Variants in CACNA2D3 observed in about 807,000 individuals in gnomAD.
CACNA2D3 encodes the protein calcium voltage-gated channel auxiliary subunit alpha2delta 3, also known as voltage-dependent calcium channel subunit alpha-2/delta-3.
Under a neutral mutation model 160.6 loss-of-function variants are expected in CACNA2D3, and 60 were observed. That is an observed-to-expected ratio of 0.37 (90% CI 0.30 to 0.46). CACNA2D3 has a LOEUF of 0.46. Ranked by LOEUF, CACNA2D3 falls within the 20% of genes least tolerant of loss-of-function variation. The probability of loss-of-function intolerance (pLI) is 1.00; values close to 1 mark genes in which losing one functional copy is unlikely to be tolerated. For missense variants in CACNA2D3, 1,205 were observed against 1,365.0 expected (o/e 0.88, Z 1.85); for synonymous variants, 558 against 492.9 (o/e 1.13, Z -1.75).
At chr3:54,422,882 A>G (rs1699859873) in intron 4 of CACNA2D3, among the ~76,000 whole-genome samples, 1 of 152,226 alleles carries the variant, frequency 6.6e-6, no homozygotes, top group Non-Finnish European at 1.5e-5. Flanking sequence ...TTTAGCAAAA[A>G]TTGACTAACT....
At chr3:54,218,260 G>A (rs909581951) in intron 2 of CACNA2D3, among the ~76,000 whole-genome samples, 15 of 152,218 alleles carry the variant, frequency 9.9e-5, no homozygotes, top group African/African-American at 3.1e-4. Flanking sequence ...ACCTCTTGTG[G>A]ATAAGGGTGG....
intron 27 of CACNA2D3, among the ~76,000 whole-genome samples, chr3:54,919,693 T>G (rs2106927043): frequency 6.6e-6 from 1 of 152,380 alleles, no homozygotes; most frequent in Middle Eastern, 3.4e-3. Context: ...ATTTACTCTT[T>G]GACTTTGGGA....
At chr3:54,476,147 G>A (rs560266200) in intron 4 of CACNA2D3, among the ~76,000 whole-genome samples, 66 of 146,930 alleles carry the variant, frequency 4.5e-4, no homozygotes, top group African/African-American at 1.5e-3. Flanking sequence ...CTCCTGGTTC[G>A]TCCGTGTTAT....
Position 54,331,902 on chromosome 3 carries a change from G to A in CACNA2D3, c.321+11344G>A, listed in dbSNP as rs192446640. 1.9e-3 allele frequency among the ~76,000 whole-genome samples: 282 copies of A among 152,154 alleles called. 1 individual carries two copies. Among genetic ancestry groups the A allele is most frequent in the African/African-American group, 6.3e-3 (260 of 41,502 alleles). ...CCAGTCTGGTCCCATTCATAGAATCGGCAAATGAAAATCAGAGCTATCCCC... is the reference window on the plus strand; with the variant it reads ...CCAGTCTGGTCCCATTCATAGAATCAGCAAATGAAAATCAGAGCTATCCCC... On this transcript the variant is annotated intron_variant, in intron 3 of 37. Transcript: ENST00000474759.
intron 3 of CACNA2D3, among the ~76,000 whole-genome samples, chr3:54,348,673 T>C (rs1029030467): frequency 1.9e-4 from 29 of 152,250 alleles, no homozygotes; most frequent in African/African-American, 7.0e-4. Flanking sequence ...CATCTTTCTT[T>C]TCTGTCAAGA....
At chr3:54,573,657 A>G (rs1345234125) in intron 8 of CACNA2D3, among the ~76,000 whole-genome samples, 1 of 152,202 alleles carries the variant, frequency 6.6e-6, no homozygotes, top group Non-Finnish European at 1.5e-5. Flanking sequence ...TAAAATCTAG[A>G]AGTGAAATTT....
intron 35 of CACNA2D3, among the ~76,000 whole-genome samples, chr3:55,068,260 T>G (rs1559478974): frequency 6.6e-6 from 1 of 152,230 alleles, no homozygotes; most frequent in Non-Finnish European, 1.5e-5. Flanking sequence ...GAATGGATGT[T>G]GCCAGTGAGT....
At chr3:54,404,806 G>T (rs1024164130) in intron 4 of CACNA2D3, among the ~76,000 whole-genome samples, 1 of 151,874 alleles carries the variant, frequency 6.6e-6, no homozygotes, top group Non-Finnish European at 1.5e-5. Flanking sequence ...AAAATTTCTT[G>T]TATTTCTATA....
intron 5 of CACNA2D3, among the ~76,000 whole-genome samples, chr3:54,550,913 T>C (rs1398361115): frequency 6.6e-6 from 1 of 152,306 alleles, no homozygotes; most frequent in Middle Eastern, 3.4e-3. Flanking sequence ...TCCCACTGGC[T>C]TCTCTCCCTC....
At chr3:54,615,460 T>C (rs1043040613) in intron 9 of CACNA2D3, among the ~76,000 whole-genome samples, 1 of 152,166 alleles carries the variant, frequency 6.6e-6, no homozygotes, top group Non-Finnish European at 1.5e-5. Flanking sequence ...ATGCTCTTCA[T>C]GACCAACAAG....
intron 2 of CACNA2D3, among the ~76,000 whole-genome samples, chr3:54,270,415 G>C (rs1042040908): frequency 2.0e-5 from 3 of 152,152 alleles, no homozygotes; most frequent in South Asian, 2.1e-4. Flanking sequence ...TATACCCCAC[G>C]AGTTGGCTTC....
intron 17 of CACNA2D3, among the ~76,000 whole-genome samples, chr3:54,871,043 TACACACACACACACACACACACAC>T (rs58370850): frequency 0.27 from 38,750 of 143,000 alleles, 6,595 homozygotes; most frequent in East Asian, 0.56. Context: ...AGCTTTGGGA[TACACACACACACACACACACACAC>T]ACACACACAC....
rs527729620 is a variant in CACNA2D3 at position 54,163,481 on chromosome 3, C to T, written c.204+39887C>T. Among the ~76,000 whole-genome samples, 140 of 152,300 alleles carry T rather than the reference C, an allele frequency of 9.2e-4. 1 individual carries two copies. Among genetic ancestry groups the T allele is most frequent in the Non-Finnish European group, 1.2e-3 (84 of 68,032 alleles). On this transcript the variant is annotated intron_variant, in intron 2 of 37. Coordinates refer to ENST00000474759, the MANE Select transcript of CACNA2D3 (RefSeq NM_018398.3). ...AGAAGGAAAGGGCGATGGTGGAATC[C>T]ATAATGGCTTCTAAAGCTGCTGTTT...
At chr3:54,462,851 A>T (rs1300343891) in intron 4 of CACNA2D3, among the ~76,000 whole-genome samples, 2 of 149,488 alleles carry the variant, frequency 1.3e-5, no homozygotes, top group Admixed American at 1.3e-4. Flanking sequence ...TCATTAGTTG[A>T]TGCAGTTTCT....
At chr3:54,488,676 A>G (rs1181402793) in intron 4 of CACNA2D3, among the ~76,000 whole-genome samples, 1 of 152,068 alleles carries the variant, frequency 6.6e-6, no homozygotes, top group Non-Finnish European at 1.5e-5. Flanking sequence ...GCATTCCTTC[A>G]ACAGTCTCTA....
intron 35 of CACNA2D3, among the ~76,000 whole-genome samples, chr3:55,036,452 A>C (rs1214081343): frequency 6.6e-6 from 1 of 151,672 alleles, no homozygotes; most frequent in African/African-American, 2.4e-5. Flanking sequence ...ATTTTTATTT[A>C]TTTTATTTTT....
chr3:54,211,483 G>C (rs149497084), intron 2 of CACNA2D3, among the ~76,000 whole-genome samples: 562 of 152,274 alleles, frequency 3.7e-3, no homozygotes, highest in Non-Finnish European at 5.3e-3. Context: ...AAGGCTGTGT[G>C]TGCTGGTAAT....
intron 11 of CACNA2D3, among the ~76,000 whole-genome samples, chr3:54,693,980 A>G (rs505732): frequency 0.23 from 34,961 of 152,128 alleles, 5,005 homozygotes; most frequent in East Asian, 0.44. Flanking sequence ...GAAGAAATAC[A>G]TTTTAAAAAA....
chr3:54,698,891 G>C (rs894249796), intron 11 of CACNA2D3, among the ~76,000 whole-genome samples: 1 of 152,038 alleles, frequency 6.6e-6, no homozygotes, highest in African/African-American at 2.4e-5. Flanking sequence ...ATACAAGGAC[G>C]TATGGGAGAG....
Sources: gnomAD v4.1 joint callset for allele counts (sites outside exome capture counted in the v4.1 genomes callset) on GRCh38, gnomAD v4.1.1 for gene constraint, MANE v1.5 for transcripts, NCBI Gene and HGNC (gene_info 2026-07-23, HGNC 2026-07-21) for gene names.